PLXNA3: variants seen among roughly 807,000 people sequenced by gnomAD.
PLXNA3 encodes the protein plexin A3.
In PLXNA3, 52 loss-of-function variants were observed where a neutral mutation model predicts 118.8. The ratio of observed to expected loss-of-function variants is 0.44; its 90% confidence interval spans 0.35 to 0.55. The LOEUF is 0.55. PLXNA3 is among the 20% of genes least tolerant of loss of function. The pLI, the probability that PLXNA3 is intolerant of heterozygous loss-of-function variation, is 0.01. For missense variants in PLXNA3, 1,660 were observed against 1,730.8 expected (o/e 0.96, Z 0.73); for synonymous variants, 925 against 762.4 (o/e 1.21, Z -3.51).
Position 154,477,331 on chromosome X carries a change from T to A in PLXNA3, c.*4646T>A, listed in dbSNP as rs1474215124. The A allele has an allele frequency of 8.9e-6, 1 of 112,594 alleles. No individual in the cohort carries two copies. The highest frequency in any genetic ancestry group is 1.9e-5 in the Non-Finnish European group (1 of 53,338). The allele number at this position is 112,594 out of a possible 1,213,427, so 9.3% of individuals were successfully genotyped here. A position where few individuals can be genotyped will look rare whatever the true frequency, so the allele number is the denominator to read the frequency against. On this transcript the variant is annotated 3_prime_UTR_variant, in exon 33 of 33. Transcript: ENST00000369682. ...AGCAGTTGTACCTCTTCCTTTTCAC[T>A]CTCAGAAAATCTGATAGAATCTATA...
In PLXNA3 at chrX:154,468,653, C is replaced by T. The variant is rs782646543; in HGVS notation, c.4221-10C>T. On this transcript the variant is annotated splice_polypyrimidine_tract_variant and intron_variant, in intron 23 of 32. Transcript: ENST00000369682. ...CCCTGCCAGGCCCGAGCCCCCTTCTCTTGCCCTAGGACAGAGTCAGTGGCT... is the reference window on the plus strand; with the variant it reads ...CCCTGCCAGGCCCGAGCCCCCTTCTTTTGCCCTAGGACAGAGTCAGTGGCT... The T allele has an allele frequency of 8.3e-7, 1 of 1,211,636 alleles. No individual in the cohort carries two copies. Among genetic ancestry groups the T allele is most frequent in the Non-Finnish European group, 1.1e-6 (1 of 895,275 alleles).
intron 4 of PLXNA3, among the ~76,000 whole-genome samples, chrX:154,463,068 G>C (rs1375412527): frequency 9.0e-6 from 1 of 111,303 alleles, no homozygotes; most frequent in Non-Finnish European, 1.9e-5. Flanking sequence ...AAAGTGCACA[G>C]TTCAGTGGGT....
chrX:154,465,069 A>G lies in PLXNA3; in HGVS notation c.2095A>G (p.Met699Val). 8.3e-7 allele frequency: 1 copy of G among 1,210,092 alleles called. No homozygotes were observed. Among genetic ancestry groups the G allele is most frequent in the Non-Finnish European group, 1.1e-6 (1 of 894,849 alleles). The change falls in exon 11 of 33, where the codon ATG becomes GTG. Residue 699 changes from methionine (M) to valine (V), a missense_variant. Physicochemically the swap from Met to Val is conservative, Grantham distance 21. Around this residue, in one of 2 missense-constraint regions of PLXNA3, gnomAD observed 791 missense variants for 652.1 expected, o/e 1.21. Coordinates refer to ENST00000369682, the MANE Select transcript of PLXNA3 (RefSeq NM_017514.5). ...GGACCTCCTGATCCCCGTTGGGGTC[A>G]TGCAGCCTCTTACCTTGCGGGCTAA... Reference protein sequence around the residue: ...SGDLLIPVGVMQPLTLRAKNL... With the variant: ...SGDLLIPVGVVQPLTLRAKNL...
rs1557207978 is a variant in PLXNA3, at chrX:154,467,990, A to T, written c.3809A>T (p.Glu1270Val). The change falls in exon 21 of 33, where the codon GAG (glutamate) becomes GTG (valine). Residue 1270 changes from glutamate (E) to valine (V), a missense_variant. By Grantham distance (121) the Glu-to-Val change is moderately radical. Transcript: ENST00000369682. ...AACCTGGAGTCCCGTGTGGCCCTGG[A>T]GTGCAAGGAAGGTGCCTGAGGCGGG... ...MDNLESRVAL[E>V]CKEAFAELQT... is the part of the protein sequence containing the mutation. 8.3e-7 allele frequency: 1 copy of T among 1,204,139 alleles called. No individual in the cohort carries two copies. The highest frequency in any genetic ancestry group is 1.1e-6 in the Non-Finnish European group (1 of 890,614).
Position 154,470,622 on chromosome X carries a change from G to C in PLXNA3, c.5156+11G>C. On this transcript the variant is annotated intron_variant, in intron 30 of 32. Transcript: ENST00000369682. ...CTGGAAGAGCAACTGGTATCACCCC[G>C]TGCTGGGCTGCCAGCAGCCTGTCTG... is the stretch of plus-strand genomic sequence containing the variant. 2 of 1,203,672 alleles carry C rather than the reference G, an allele frequency of 1.7e-6. No individual in the cohort carries two copies. The highest frequency in any genetic ancestry group is 3.0e-5 in the East Asian group (1 of 33,815).
In PLXNA3 at chrX:154,467,859, G is replaced by C. The variant is rs782059542; in HGVS notation, c.3678G>C (p.Ala1226=). 2.6e-5 allele frequency: 31 copies of C among 1,205,259 alleles called. No homozygotes were observed. In the South Asian group the frequency reaches 4.4e-4, roughly 17 times the overall value. The change falls in exon 21 of 33, where the codon GCG becomes GCC. Residue 1226 remains alanine (A), a synonymous_variant. Transcript: ENST00000369682. ...TACCGGCCATGATGGGGCTGGCGGC[G>C]GGGGGTGGGCTCCTGCTGCTGGCCA... ...LTLPAMMGLA[A]GGGLLLLAIT...
At position 154,468,293 on chromosome X, in the gene PLXNA3, C is replaced by T; in HGVS notation, c.3964-10C>T. 2 of 1,199,478 alleles carry T rather than the reference C, an allele frequency of 1.7e-6. No homozygotes were observed. The highest frequency in any genetic ancestry group is 1.1e-6 in the Non-Finnish European group (1 of 888,156). The stretch of plus-strand genomic sequence containing the variant: ...CGCCCCCACCCTCTGAGACCTCCTG[C>T]TCCCCACAGACGCCACCCAACGTGG... On this transcript the variant is annotated splice_polypyrimidine_tract_variant and intron_variant, in intron 22 of 32. Transcript: ENST00000369682.
At chrX:154,461,954 C>G (rs1272974718) in intron 3 of PLXNA3, among the ~76,000 whole-genome samples, 174 bp from the exon 4 acceptor site, 1 of 112,412 alleles carries the variant, frequency 8.9e-6, no homozygotes, top group African/African-American at 3.2e-5. Flanking sequence ...GCTGTCCCTC[C>G]TCTGTCTCCC....
In PLXNA3 at chrX:154,475,875, G is replaced by C. The variant is rs1307499383; in HGVS notation, c.*3190G>C. 1 of 112,443 alleles carries C rather than the reference G, an allele frequency of 8.9e-6. No individual in the cohort carries two copies. The highest frequency in any genetic ancestry group is 1.9e-5 in the Non-Finnish European group (1 of 53,232). 9.3% of individuals were successfully genotyped at this position (112,443 alleles called of 1,213,427 possible). On this transcript the variant is annotated 3_prime_UTR_variant, in exon 33 of 33. Transcript: ENST00000369682. ...CATGAGAGGAAGAGGAAGGGAAACA[G>C]AGCTAAATTGGGGCCAGGTGTGGTG...
Position 154,466,413 on chromosome X carries a change from C to T in PLXNA3, c.2837C>T (p.Pro946Leu), listed in dbSNP as rs782652728. ...TFDQVSPSRG[P>L]ASGGTRLTIS... is the part of the protein sequence containing the mutation. ...GACCAAGTGAGTCCCAGCCGTGGCCCGGCGTCCGGGGGCACACGGCTTACC... is the reference window on the plus strand; with the variant it reads ...GACCAAGTGAGTCCCAGCCGTGGCCTGGCGTCCGGGGGCACACGGCTTACC... Residue 946 changes from proline (P) to leucine (L), a missense_variant, in exon 16 of 33, where the codon CCG becomes CTG. Pro to Leu is a moderately conservative substitution (Grantham distance 98). Coordinates refer to ENST00000369682, the MANE Select transcript of PLXNA3 (RefSeq NM_017514.5). The T allele has an allele frequency of 1.7e-6, 2 of 1,211,400 alleles. No individual in the cohort carries two copies. The highest frequency in any genetic ancestry group is 1.8e-5 in the South Asian group (1 of 57,026).
intron 3 of PLXNA3, 104 bp downstream of exon 3, chrX:154,461,742 C>A (rs782530448): frequency 1.2e-6 from 1 of 841,541 alleles, no homozygotes; most frequent in Admixed American, 3.0e-5. Context: ...TTGCCATGGC[C>A]CTGGGAGTGG....
rs781946606 is a variant in PLXNA3 at position 154,464,461 on chromosome X, G to A, written c.1888G>A (p.Gly630Ser). The A allele has an allele frequency of 9.3e-5, 112 of 1,209,490 alleles. No homozygotes were observed. The highest frequency in any genetic ancestry group is 4.8e-4 in the Admixed American group (22 of 45,943). ...LSKETGVRFA[G>S]ADFVFYNCSV... The stretch of plus-strand genomic sequence containing the variant: ...CAAGGAGACAGGCGTGAGGTTTGCC[G>A]GTGCTGACTTTGTCTTCTACAACTG... The change falls in exon 9 of 33, where the codon GGT becomes AGT. Residue 630 changes from glycine to serine, a missense_variant. Gly to Ser is a moderately conservative substitution (Grantham distance 56). Transcript: ENST00000369682.
rs781960238 is a variant in PLXNA3 at position 154,472,710 on chromosome X, G to C, written c.*25G>C. On this transcript the variant is annotated 3_prime_UTR_variant, in exon 33 of 33. Transcript: ENST00000369682. ...AGGTGGTGGAATCGGTGAGGAGGGG[G>C]CTTCTCAGTCCTGTGCCGTCCTCCC... 1 of 1,059,170 alleles carries C rather than the reference G, an allele frequency of 9.4e-7. No homozygotes were observed. Among genetic ancestry groups the C allele is most frequent in the Non-Finnish European group, 1.3e-6 (1 of 756,553 alleles). The allele number at this position is 1,059,170 out of a possible 1,213,427, so 87.3% of individuals were successfully genotyped here.
chrX:154,465,376 G>C, intron 11 of PLXNA3, 48 bp from the exon 12 acceptor site: 3 of 1,093,105 alleles, frequency 2.7e-6, no homozygotes, highest in Non-Finnish European at 3.8e-6. Context: ...ATCTTGGGTA[G>C]GGGTTCTGCA....
At chrX:154,463,279 C>T in intron 4 of PLXNA3, 112 bp from the exon 5 acceptor site, 3 of 1,078,312 alleles carry the variant, frequency 2.8e-6, no homozygotes, top group Non-Finnish European at 3.8e-6. Context: ...AGTGCTGAAC[C>T]CCACCAGGTC....
Position 154,460,353 on chromosome X carries a change from C to A in PLXNA3, c.170C>A (p.Ala57Asp), listed in dbSNP as rs1211753765. The A allele has an allele frequency of 6.6e-6, 8 of 1,209,236 alleles. No homozygotes were observed. The Admixed American group carries it at 8.7e-5, about 13-fold the overall frequency. ...VGAVNRVFKL[A>D]PNLTELRAHV... ...GCAGTGAACCGAGTCTTTAAGCTGG[C>A]CCCCAACCTGACTGAGCTGCGGGCC... The change falls in exon 2 of 33, where the codon GCC becomes GAC. Residue 57 changes from alanine (A) to aspartate (D), a missense_variant. Ala to Asp is a moderately radical substitution (Grantham distance 126). Around this residue, in one of 2 missense-constraint regions of PLXNA3, gnomAD observed 791 missense variants for 652.1 expected, o/e 1.21. Transcript: ENST00000369682.
chrX:154,473,589 G>A lies in PLXNA3; in HGVS notation c.*904G>A, dbSNP rs1044446136. Reference sequence around the variant, plus strand: ...CGTTCTCTCCTCTTTAGTTGCATGAGTTTTTCTTTGTTCATGGAATGTTTT... The same window carrying A: ...CGTTCTCTCCTCTTTAGTTGCATGAATTTTTCTTTGTTCATGGAATGTTTT... On this transcript the variant is annotated 3_prime_UTR_variant, in exon 33 of 33. Coordinates refer to ENST00000369682, the MANE Select transcript of PLXNA3 (RefSeq NM_017514.5). 1 of 113,005 alleles carries A rather than the reference G, an allele frequency of 8.8e-6. No individual in the cohort carries two copies. The highest frequency in any genetic ancestry group is 1.9e-5 in the Non-Finnish European group (1 of 53,292). 9.3% of individuals were successfully genotyped at this position (113,005 alleles called of 1,213,427 possible).
intron 22 of PLXNA3, 31 bp from the exon 23 acceptor site, chrX:154,468,272 C>T: frequency 4.2e-6 from 5 of 1,190,256 alleles, no homozygotes; most frequent in Non-Finnish European, 5.7e-6. Flanking sequence ...CAGGGCCGCC[C>T]CCACCCTCTG....
chrX:154,461,342 A>T lies in PLXNA3; in HGVS notation c.838A>T (p.Ile280Phe). 8.2e-7 allele frequency: 1 copy of T among 1,212,227 alleles called. No homozygotes were observed. The highest frequency in any genetic ancestry group is 1.1e-6 in the Non-Finnish European group (1 of 895,605). ...SEFYSYVEFP[I>F]GCSWRGVEYR... ...GTTCTACTCATACGTGGAATTCCCCATCGGCTGCTCCTGGCGCGGCGTGGA... is the reference window on the plus strand; with the variant it reads ...GTTCTACTCATACGTGGAATTCCCCTTCGGCTGCTCCTGGCGCGGCGTGGA... The change falls in exon 3 of 33, where the codon ATC (isoleucine) becomes TTC (phenylalanine). Residue 280 changes from isoleucine (I) to phenylalanine (F), a missense_variant. Around this residue, in one of 2 missense-constraint regions of PLXNA3, gnomAD observed 791 missense variants for 652.1 expected, o/e 1.21. Transcript: ENST00000369682.
Sources: gnomAD v4.1 joint callset for allele counts (sites outside exome capture counted in the v4.1 genomes callset) on GRCh38, gnomAD v4.1.1 for gene constraint, gnomAD v4.1.1 regional missense constraint, MANE v1.5 for transcripts, NCBI Gene and HGNC (gene_info 2026-07-23, HGNC 2026-07-21) for gene names.